The following FAAP100 variants were observed in gnomAD, a reference collection of about 807,000 sequenced individuals.
FAAP100 encodes Fanconi anemia core complex-associated protein 100.
In FAAP100, 46 loss-of-function variants were observed where a neutral mutation model predicts 65.8. The observed-to-expected ratio is 0.70, with a 90% CI of 0.55 to 0.89. The LOEUF is 0.89. Among genes scored for constraint, FAAP100 ranks in the 40% least tolerant of loss-of-function variants. FAAP100 has a pLI of 0.00. For missense variants in FAAP100, 1,165 were observed against 1,196.7 expected (o/e 0.97, Z 0.39); for synonymous variants, 663 against 555.1 (o/e 1.19, Z -2.73).
chr17:81,541,516 C>T (rs1392686153), intron 7 of FAAP100, 121 bp from the exon 8 acceptor site: 3 of 836,098 alleles, frequency 3.6e-6, no homozygotes, highest in Non-Finnish European at 3.9e-6. Flanking sequence ...TGGCACCCCT[C>T]CCCACCCCAG....
chr17:81,552,371 C>T, upstream of FAAP100: 1 of 1,306,826 alleles, frequency 7.7e-7, no homozygotes. Context: ...CCCGGCCGCG[C>T]GGCGGCGGCT....
chr17:81,541,647 T>C (rs543280498), intron 7 of FAAP100, among the ~76,000 whole-genome samples: 1 of 152,326 alleles, frequency 6.6e-6, no homozygotes, highest in Non-Finnish European at 1.5e-5. Context: ...TTTCTCTCCA[T>C]CGCTGGGATC....
Position 81,546,993 on chromosome 17 carries a change from G to A in FAAP100, c.2089C>T (p.Arg697Trp), listed in dbSNP as rs1362046716. The A allele has an allele frequency of 1.3e-5, 19 of 1,515,724 alleles. No homozygotes were observed. The highest frequency in any genetic ancestry group is 2.8e-5 in the African/African-American group (2 of 71,758). The allele number at this position is 1,515,724 out of a possible 1,614,324, so 93.9% of individuals were successfully genotyped here. Residue 697 changes from arginine to tryptophan, a missense_variant, in exon 5 of 9, where the codon CGG (arginine) becomes TGG (tryptophan). Physicochemically the swap from Arg to Trp is moderately radical, Grantham distance 101. Transcript: ENST00000327787. ...GSQPAGPASL[R>W]AEYLPPSVAS... ...ACAGATGGGGGCAGGTACTCGGCCC[G>A]CAGGGAGGCGGGTCCTGCTGGCTGG...
Position 81,550,541 on chromosome 17 carries a change from T to C in FAAP100, c.953A>G (p.His318Arg). Residue 318 changes from histidine to arginine, a missense_variant, in exon 3 of 9, where the codon CAC becomes CGC. His to Arg is a conservative substitution (Grantham distance 29). Coordinates refer to ENST00000327787, the MANE Select transcript of FAAP100 (RefSeq NM_025161.6). ...HCDCLVAFGH[H>R]GRMLAIKASW... ...GGCCTTGATGGCCAGCATCCGGCCG[T>C]GGTGACCAAAGGCCACCAGGCAGTC... The C allele has an allele frequency of 6.2e-7, 1 of 1,612,812 alleles. No homozygotes were observed. Among genetic ancestry groups the C allele is most frequent in the Non-Finnish European group, 8.5e-7 (1 of 1,179,998 alleles).
rs940239334 is a variant in FAAP100, at chr17:81,540,598, G to A, written c.*221C>T. ...CCAGCAGAGGACGCGAAGCTGGACC[G>A]GCCAGGTTCAGAGCCCGCCTCGGTT... is the stretch of plus-strand genomic sequence containing the variant. On this transcript the variant is annotated 3_prime_UTR_variant, in exon 9 of 9. Transcript: ENST00000327787. The A allele has an allele frequency of 4.1e-5, 23 of 557,378 alleles. No homozygotes were observed. The highest frequency in any genetic ancestry group is 2.5e-4 in the African/African-American group (13 of 52,068). 34.5% of individuals were successfully genotyped at this position (557,378 alleles called of 1,614,324 possible).
In FAAP100 at chr17:81,540,927, GGTCTGCACCTCCCGCAGCAGT is replaced by G; in HGVS notation, c.2517_2537del (p.Leu841_Leu847del). On this transcript the variant is annotated inframe_deletion and splice_region_variant, in exon 9 of 9. Transcript: ENST00000327787. ...CCTCCGTGCAGAGCCGGTCGCGCAG[GGTCTGCACCTCCCGCAGCAGT>G]GTCTGCAGGTGAAGCAGACACAGCT... 5 of 1,590,330 alleles carry G rather than the reference GGTCTGCACCTCCCGCAGCAGT, an allele frequency of 3.1e-6. No individual in the cohort carries two copies. The highest frequency in any genetic ancestry group is 1.7e-5 in the Admixed American group (1 of 58,426).
intron 5 of FAAP100, among the ~76,000 whole-genome samples, 154 bp from the exon 6 acceptor site, chr17:81,546,036 C>T (rs144233912): frequency 0.011 from 1,720 of 152,354 alleles, 14 homozygotes; most frequent in Admixed American, 0.019. Context: ...TAAGCTGCGG[C>T]GTGGCCAGCT....
Position 81,550,416 on chromosome 17 carries a change from G to C in FAAP100, c.1078C>G (p.His360Asp). Reference protein sequence around the residue: ...AACGGGGRVYHSTPSDLCVVD... With the variant: ...AACGGGGRVYDSTPSDLCVVD... ...ACACAGAGGTCAGAAGGGGTGCTGT[G>C]GTACACGCGGCCACCCCCGCCACAG... Residue 360 changes from histidine to aspartate, a missense_variant, in exon 3 of 9, where the codon CAC becomes GAC. Transcript: ENST00000327787. The C allele has an allele frequency of 6.2e-7, 1 of 1,612,464 alleles. No homozygotes were observed. The highest frequency in any genetic ancestry group is 2.2e-5 in the East Asian group (1 of 44,880).
intron 6 of FAAP100, among the ~76,000 whole-genome samples, chr17:81,545,219 A>C (rs1286512107): frequency 6.6e-6 from 1 of 152,250 alleles, no homozygotes; most frequent in African/African-American, 2.4e-5. Flanking sequence ...AGCCTTGCCC[A>C]TCCTCAGGGA....
intron 6 of FAAP100, among the ~76,000 whole-genome samples, 166 bp downstream of exon 6, chr17:81,545,580 G>T (rs576423414): frequency 4.9e-4 from 74 of 152,334 alleles, no homozygotes; most frequent in Non-Finnish European, 6.6e-4. Context: ...CCTGAGTGGG[G>T]TCTGCTTGGT....
At chr17:81,541,469 C>T (rs1418063234) in intron 7 of FAAP100, 74 bp from the exon 8 acceptor site, 8 of 1,334,840 alleles carry the variant, frequency 6.0e-6, no homozygotes, top group African/African-American at 1.4e-5. Flanking sequence ...AGCAGGGTGA[C>T]CCTCTCCCTC....
In FAAP100 at chr17:81,552,309, C is replaced by T; in HGVS notation, c.22G>A (p.Val8Ile). The T allele has an allele frequency of 7.0e-7, 1 of 1,420,394 alleles. No individual in the cohort carries two copies. The highest frequency in any genetic ancestry group is 9.1e-7 in the Non-Finnish European group (1 of 1,096,124). 88.0% of individuals were successfully genotyped at this position (1,420,394 alleles called of 1,614,324 possible). A position where few individuals can be genotyped will look rare whatever the true frequency, so the allele number is the denominator to read the frequency against. Residue 8 changes from valine (V) to isoleucine (I), a missense_variant, in exon 1 of 9, where the codon GTC becomes ATC. Transcript: ENST00000327787. MAGAAPR[V>I]RYLAGFCCPL... is the part of the protein sequence containing the mutation. Reference sequence around the variant, plus strand: ...CAGCAGAAGCCCGCCAGGTAGCGGACCCGCGGCGCGGCGCCGGCCATCGTG... The same window carrying T: ...CAGCAGAAGCCCGCCAGGTAGCGGATCCGCGGCGCGGCGCCGGCCATCGTG...
At chr17:81,541,942 G>A (rs1432135541) in intron 7 of FAAP100, among the ~76,000 whole-genome samples, 2 of 152,042 alleles carry the variant, frequency 1.3e-5, no homozygotes, top group Non-Finnish European at 2.9e-5. Context: ...GAGGCAGGCG[G>A]ATAACTTAAG....
At chr17:81,540,977 G>GC (rs777944801) in intron 8 of FAAP100, 27 bp from the exon 9 acceptor site, 2 of 1,550,112 alleles carry the variant, frequency 1.3e-6, no homozygotes, top group South Asian at 1.2e-5. Flanking sequence ...CACAGCTCAG[G>GC]CCCCCCACCT....
At chr17:81,549,400 G>T (rs1175167949) in intron 3 of FAAP100, 38 bp from the exon 4 acceptor site, 6 of 1,577,182 alleles carry the variant, frequency 3.8e-6, no homozygotes, top group Non-Finnish European at 5.2e-6. Context: ...TCAGCGGCTG[G>T]GAGGGGCAAG....
intron 7 of FAAP100, among the ~76,000 whole-genome samples, chr17:81,543,520 A>G (rs1247229841): frequency 2.0e-5 from 3 of 152,074 alleles, no homozygotes; most frequent in African/African-American, 4.8e-5. Flanking sequence ...ACAGCATGGA[A>G]GCAGCTATTC....
chr17:81,547,084 G>A lies in FAAP100; in HGVS notation c.1998C>T (p.Pro666=). The A allele has an allele frequency of 1.3e-6, 2 of 1,532,970 alleles. No homozygotes were observed. Among genetic ancestry groups the A allele is most frequent in the Admixed American group, 2.1e-5 (1 of 46,656 alleles). 95.0% of individuals were successfully genotyped at this position (1,532,970 alleles called of 1,614,324 possible). A position where few individuals can be genotyped will look rare whatever the true frequency, so the allele number is the denominator to read the frequency against. The stretch of plus-strand genomic sequence containing the variant: ...GGTCTCGGGTGGGGCCGAGTGGGGA[G>A]GGGGCCCGTGTGTGTGGCGGGGCCA... The part of the protein sequence containing the change: ...PGLAPPHTRA[P]SPLGPTRDPV... The change falls in exon 5 of 9, where the codon CCC becomes CCT. Residue 666 remains proline (P), a synonymous_variant. Coordinates refer to ENST00000327787, the MANE Select transcript of FAAP100 (RefSeq NM_025161.6).
At chr17:81,549,485 AGG>A in intron 3 of FAAP100, 123 bp from the exon 4 acceptor site, 1 of 1,247,808 alleles carries the variant, frequency 8.0e-7, no homozygotes, top group Non-Finnish European at 1.1e-6. Context: ...GTGTCCAGTG[AGG>A]AAGAGAAAGT....
chr17:81,541,004 C>A, intron 8 of FAAP100, 54 bp from the exon 9 acceptor site: 1 of 1,501,514 alleles, frequency 6.7e-7, no homozygotes, highest in South Asian at 1.3e-5. Context: ...GGGGATGTCA[C>A]TGGGTACCTC....
Sources: gnomAD v4.1 joint callset for allele counts (sites outside exome capture counted in the v4.1 genomes callset) on GRCh38, gnomAD v4.1.1 for gene constraint, MANE v1.5 for transcripts, NCBI Gene and HGNC (gene_info 2026-07-23, HGNC 2026-07-21) for gene names.